The following ABR variants were observed in gnomAD, a reference collection of about 807,000 sequenced individuals.
The protein encoded by ABR is active breakpoint cluster region-related protein.
ABR carries 35 observed loss-of-function variants against 107.2 expected under a neutral mutation model. The ratio of observed to expected loss-of-function variants is 0.33; its 90% CI spans 0.25 to 0.43. The LOEUF (loss-of-function observed/expected upper bound fraction) is 0.43, where lower values mean the gene tolerates loss of function less well. ABR is among the 20% of genes least tolerant of loss of function. The pLI, the probability that ABR is intolerant of heterozygous loss-of-function variation, is 1.00. For missense variants in ABR, 815 were observed against 1,115.2 expected (o/e 0.73, Z 3.83); for synonymous variants, 498 against 462.0 (o/e 1.08, Z -1.00).
upstream of ABR, among the ~76,000 whole-genome samples, chr17:1,182,087 C>T (rs1018591034): frequency 9.9e-5 from 15 of 152,116 alleles, no homozygotes; most frequent in African/African-American, 3.4e-4. Flanking sequence ...CTGGCACTCT[C>T]GGACCCTCCA....
At chr17:1,068,404 G>A (rs2034937560) in intron 9 of ABR, among the ~76,000 whole-genome samples, 1 of 151,950 alleles carries the variant, frequency 6.6e-6, no homozygotes, top group Non-Finnish European at 1.5e-5. Context: ...GGATAGCCTG[G>A]TGGTGTAACA....
At chr17:1,134,310 G>A (rs1377896287) in intron 1 of ABR, among the ~76,000 whole-genome samples, 1 of 152,198 alleles carries the variant, frequency 6.6e-6, no homozygotes, top group Non-Finnish European at 1.5e-5. Flanking sequence ...CTACGCAGGA[G>A]GCTGAGGCAG....
chr17:1,053,449 C>T lies in ABR; in HGVS notation c.1561+2586G>A, dbSNP rs116806982. On this transcript the variant is annotated intron_variant, in intron 14 of 22. Coordinates refer to ENST00000302538, the MANE Select transcript of ABR (RefSeq NM_021962.5). ...TCCGGAAGGAGCTGGGGACGGCTCA[C>T]AGGGTCAGAGCGAGGGTTCCGGAGT... 2.6e-3 allele frequency among the ~76,000 whole-genome samples: 391 copies of T among 149,892 alleles called. 12 individuals carry two copies. The highest frequency in any genetic ancestry group is 9.4e-3 in the African/African-American group (373 of 39,532).
chr17:1,005,766 C>T lies in ABR; in HGVS notation c.*314G>A, dbSNP rs2069976833. 9 of 409,826 alleles carry T rather than the reference C, an allele frequency of 2.2e-5. No homozygotes were observed. The South Asian group carries it at 2.3e-4, about 10-fold the overall frequency. 25.4% of individuals were successfully genotyped at this position (409,826 alleles called of 1,614,324 possible). On this transcript the variant is annotated 3_prime_UTR_variant, in exon 23 of 23. Transcript: ENST00000302538. The stretch of plus-strand genomic sequence containing the variant: ...AAGAACAAAGCGGGCTGTCTGTGTG[C>T]CCACGCCGGGCCGGTCACTACCTTT...
At chr17:1,187,969 A>G (rs1340018343), upstream of ABR, among the ~76,000 whole-genome samples, 1 of 152,056 alleles carries the variant, frequency 6.6e-6, no homozygotes, top group East Asian at 1.9e-4. Flanking sequence ...TAATCCCAGC[A>G]CTTTGGGAGG....
At position 1,067,277 on chromosome 17, in the gene ABR, G is replaced by A. The variant is rs145081874; in HGVS notation, c.1017-35C>T. 4.9e-4 allele frequency: 753 copies of A among 1,533,756 alleles called. 4 individuals carry two copies. In the African/African-American group the frequency reaches 7.9e-3, roughly 16 times the overall value. On this transcript the variant is annotated intron_variant, in intron 9 of 22. Transcript: ENST00000302538. ...AGCCAGAGGGAGCCATGAGCCAGAG[G>A]GAGCCTGGCTCTTCCAGCCTCAACT...
At chr17:1,093,676 G>T (rs527347479) in intron 3 of ABR, among the ~76,000 whole-genome samples, 4 of 152,186 alleles carry the variant, frequency 2.6e-5, no homozygotes, top group Non-Finnish European at 2.9e-5. Context: ...CAAAGCCAGC[G>T]CCAGCTCCCT....
At position 1,028,028 on chromosome 17, in the gene ABR, G is replaced by A. The variant is rs186291228; in HGVS notation, c.1792-14864C>T. On this transcript the variant is annotated intron_variant, in intron 16 of 22. Coordinates refer to ENST00000302538, the MANE Select transcript of ABR (RefSeq NM_021962.5). ...CTGGTACCATCAAGAAGGAATAAACGACAGGCTCTGTGAGGGGTGGGGTTG... is the reference window on the plus strand; with the variant it reads ...CTGGTACCATCAAGAAGGAATAAACAACAGGCTCTGTGAGGGGTGGGGTTG... Among the ~76,000 whole-genome samples, 184 of 152,094 alleles carry A rather than the reference G, an allele frequency of 1.2e-3. 1 individual carries two copies. The highest frequency in any genetic ancestry group is 2.2e-3 in the Admixed American group (33 of 15,286).
chr17:1,190,971 G>A (rs1053414980), upstream of ABR, among the ~76,000 whole-genome samples: 4 of 152,290 alleles, frequency 2.6e-5, no homozygotes, highest in East Asian at 1.9e-4. Flanking sequence ...TGGCCTGAGC[G>A]AGTCTGCAGG....
At chr17:1,087,385 T>C (rs935772760) in intron 4 of ABR, among the ~76,000 whole-genome samples, 1 of 151,936 alleles carries the variant, frequency 6.6e-6, no homozygotes, top group Non-Finnish European at 1.5e-5. Context: ...GCAGAGCCCT[T>C]TGAGGAAGCT....
rs918888686 is a variant in ABR, at chr17:1,051,138, G to A, written c.1562-504C>T. Among the ~76,000 whole-genome samples the A allele has an allele frequency of 4.6e-5, 7 of 152,096 alleles. No individual in the cohort carries two copies. Among genetic ancestry groups the A allele is most frequent in the South Asian group, 2.1e-4 (1 of 4,830 alleles). ...CCCTGCCTCTGGGTCCTGAATGCTC[G>A]GAGCATCCCCTGCCGCGGTGACGAC... On this transcript the variant is annotated intron_variant, in intron 14 of 22. Coordinates refer to ENST00000302538, the MANE Select transcript of ABR (RefSeq NM_021962.5). This position sits in a 1 kb window ranked among gnomAD's most constrained non-coding sequence, Gnocchi z 4.3.
intron 2 of ABR, among the ~76,000 whole-genome samples, chr17:1,121,336 G>T (rs921804477): frequency 3.3e-5 from 5 of 152,268 alleles, no homozygotes; most frequent in African/African-American, 1.2e-4. Flanking sequence ...TTCGGTCATG[G>T]TGCAGCAGAT....
intron 3 of ABR, among the ~76,000 whole-genome samples, chr17:1,100,034 G>T (rs1046948242): frequency 6.6e-5 from 10 of 151,612 alleles, no homozygotes; most frequent in African/African-American, 2.2e-4. Flanking sequence ...GCTGAGGCAG[G>T]AGAATCACTT....
chr17:1,039,857 G>A (rs2030018847), intron 16 of ABR, among the ~76,000 whole-genome samples: 3 of 152,204 alleles, frequency 2.0e-5, no homozygotes, highest in Admixed American at 6.5e-5. Flanking sequence ...TGGCCTTGGC[G>A]GGCGCCGACG....
intron 16 of ABR, among the ~76,000 whole-genome samples, chr17:1,043,172 AATT>A (rs2030947399): frequency 6.6e-6 from 1 of 152,088 alleles, no homozygotes; most frequent in African/African-American, 2.4e-5. Context: ...TGCACCCAAA[AATT>A]ATTATTTTTT....
At chr17:1,178,425 G>A (rs974079851) in intron 1 of ABR, among the ~76,000 whole-genome samples, 1 of 152,046 alleles carries the variant, frequency 6.6e-6, no homozygotes, top group East Asian at 1.9e-4. Flanking sequence ...TTAGCCGAGA[G>A]TGGTGGTGGG....
At chr17:1,207,469 G>A (rs1411483073) in intron 1 of ABR, among the ~76,000 whole-genome samples, 1 of 151,832 alleles carries the variant, frequency 6.6e-6, no homozygotes, top group Non-Finnish European at 1.5e-5. Flanking sequence ...GGCCAACATG[G>A]CGAAACCCCA....
intron 2 of ABR, among the ~76,000 whole-genome samples, chr17:1,109,391 G>C (rs2038509650): frequency 6.6e-6 from 1 of 151,954 alleles, no homozygotes; most frequent in Non-Finnish European, 1.5e-5. Context: ...CGCAGGGCCC[G>C]CCCTTCCCGG....
At chr17:1,031,876 T>G (rs1387667789) in intron 16 of ABR, 24 of 941,836 alleles carry the variant, frequency 2.5e-5, no homozygotes, top group African/African-American at 7.1e-5. Context: ...CTCCCCGCGC[T>G]CCCCTCCCTC....
Sources: allele counts gnomAD v4.1 joint callset (sites outside exome capture counted in the v4.1 genomes callset), GRCh38; gene constraint gnomAD v4.1.1; non-coding constraint Gnocchi (gnomAD v3.1); transcripts MANE v1.5; gene names NCBI Gene and HGNC (gene_info 2026-07-23, HGNC 2026-07-21).